The following ACTL8 variants were observed in gnomAD, a reference collection of about 807,000 sequenced individuals.
ACTL8 encodes actin-like protein 8.
A neutral mutation model predicts 9.3 loss-of-function variants in ACTL8; 3 were observed. The observed-to-expected ratio is 0.32, with a 90% CI of 0.15 to 0.83. The LOEUF (loss-of-function observed/expected upper bound fraction) is 0.83. Among genes scored for constraint, ACTL8 ranks in the 40% least tolerant of loss-of-function variants. The probability of loss-of-function intolerance (pLI) is 0.57; values close to 1 mark genes in which losing one functional copy is unlikely to be tolerated. For synonymous variants in ACTL8, 224 were observed against 205.9 expected, an observed-to-expected ratio of 1.09 and a Z score of -0.75; for missense variants, 381 against 492.2, an observed-to-expected ratio of 0.77 and a Z score of 2.14.
At chr1:17,758,367 C>T (rs549411177) in intron 1 of ACTL8, among the ~76,000 whole-genome samples, 18 of 152,196 alleles carry the variant, frequency 1.2e-4, no homozygotes, top group Non-Finnish European at 2.4e-4. Flanking sequence ...GGGCAGCCTA[C>T]TAGAGTATTA....
chr1:17,814,879 C>T (rs1052429400), intron 1 of ACTL8, among the ~76,000 whole-genome samples: 3 of 152,204 alleles, frequency 2.0e-5, no homozygotes, highest in Non-Finnish European at 2.9e-5. Flanking sequence ...CATTATGTTA[C>T]AATTGCCTAC....
intron 1 of ACTL8, among the ~76,000 whole-genome samples, chr1:17,814,087 C>T (rs182875045): frequency 7.2e-5 from 11 of 152,214 alleles, no homozygotes; most frequent in African/African-American, 1.7e-4. Context: ...TTTTCAATTT[C>T]GATTACAGTC....
chr1:17,762,868 C>T (rs2066017008), intron 1 of ACTL8, among the ~76,000 whole-genome samples: 1 of 152,122 alleles, frequency 6.6e-6, no homozygotes, highest in African/African-American at 2.4e-5. Flanking sequence ...CTCCCGGGGA[C>T]TCAGTTTTCC....
intron 2 of ACTL8, among the ~76,000 whole-genome samples, chr1:17,825,122 G>A (rs2053703222): frequency 6.9e-6 from 1 of 144,518 alleles, no homozygotes; most frequent in Non-Finnish European, 1.5e-5. Context: ...AGCAGGGGGA[G>A]AAAACCAGCC....
At chr1:17,765,665 G>A (rs963834884) in intron 1 of ACTL8, among the ~76,000 whole-genome samples, 25 of 152,136 alleles carry the variant, frequency 1.6e-4, no homozygotes, top group African/African-American at 5.3e-4. Flanking sequence ...CTCGTAGCAC[G>A]TCACCCGGCT....
chr1:17,809,274 A>T (rs559242980), intron 1 of ACTL8, among the ~76,000 whole-genome samples: 1 of 152,306 alleles, frequency 6.6e-6, no homozygotes, highest in South Asian at 2.1e-4. Context: ...TGCTATGACA[A>T]TAATAAAACT....
At chr1:17,816,414 G>C (rs1009958820) in intron 1 of ACTL8, among the ~76,000 whole-genome samples, 2 of 152,058 alleles carry the variant, frequency 1.3e-5, no homozygotes, top group African/African-American at 4.8e-5. Flanking sequence ...ATGTTGCCCA[G>C]GCTGGTCTCA....
Position 17,785,094 on chromosome 1 carries a change from A to G in ACTL8, c.-25+29590A>G, listed in dbSNP as rs113408321. On this transcript the variant is annotated intron_variant, in intron 1 of 2. Transcript: ENST00000375406. ...GGGAAAGATTTGCCCCCATGATTCA[A>G]TTACCTCCCACTGGGTCCCTCCCAC... Among the ~76,000 whole-genome samples the G allele has an allele frequency of 4.8e-3, 669 of 140,722 alleles. 5 individuals are homozygous for G. The highest frequency in any genetic ancestry group is 0.017 in the African/African-American group (638 of 36,700). 92.3% of individuals were successfully genotyped at this position (140,722 alleles called of 152,430 possible).
chr1:17,792,951 C>T (rs72648484), intron 1 of ACTL8, among the ~76,000 whole-genome samples: 11,786 of 152,198 alleles, frequency 0.077, 547 homozygotes, highest in East Asian at 0.15. Flanking sequence ...AGGGACAGGA[C>T]CACCATCAGG....
At chr1:17,768,213 G>T (rs1461037895) in intron 1 of ACTL8, among the ~76,000 whole-genome samples, 1 of 152,124 alleles carries the variant, frequency 6.6e-6, no homozygotes, top group African/African-American at 2.4e-5. Flanking sequence ...AGCAAGATCT[G>T]CTCAAGGCCC....
At chr1:17,805,386 T>C (rs1015172075) in intron 1 of ACTL8, among the ~76,000 whole-genome samples, 10 of 81,246 alleles carry the variant, frequency 1.2e-4, no homozygotes, top group South Asian at 4.4e-4. Flanking sequence ...TCTTTTTTTT[T>C]TTTTTTTTTT....
chr1:17,799,950 T>G (rs912613867), intron 1 of ACTL8, among the ~76,000 whole-genome samples: 87 of 152,102 alleles, frequency 5.7e-4, no homozygotes, highest in African/African-American at 2.1e-3. Context: ...TCCGTTGGTC[T>G]GTCTGTTTTT....
At chr1:17,822,456 C>A (rs2124194322) in intron 1 of ACTL8, among the ~76,000 whole-genome samples, 1 of 152,290 alleles carries the variant, frequency 6.6e-6, no homozygotes, top group East Asian at 1.9e-4. Context: ...AGAGTAGGTT[C>A]TCCAGAAAAT....
chr1:17,792,560 T>C (rs2066247756), intron 1 of ACTL8, among the ~76,000 whole-genome samples: 1 of 152,210 alleles, frequency 6.6e-6, no homozygotes, highest in Non-Finnish European at 1.5e-5. Context: ...ATAAGGAGCT[T>C]GAAGCCCCTT....
chr1:17,792,219 C>T (rs1463995060), intron 1 of ACTL8, among the ~76,000 whole-genome samples: 8 of 152,242 alleles, frequency 5.3e-5, no homozygotes, highest in Admixed American at 3.9e-4. Flanking sequence ...TGCTCAGTAC[C>T]TTACCTGCCT....
intron 1 of ACTL8, among the ~76,000 whole-genome samples, chr1:17,792,158 AG>A (rs936010894): frequency 6.6e-6 from 1 of 152,222 alleles, no homozygotes; most frequent in African/African-American, 2.4e-5. Context: ...GTGGAGCTCA[AG>A]AAAGGGTGGA....
chr1:17,791,255 G>A lies in ACTL8; in HGVS notation c.-24-31730G>A, dbSNP rs192447692. 2.0e-5 allele frequency among the ~76,000 whole-genome samples: 3 copies of A among 152,316 alleles called. No individual in the cohort carries two copies. In the East Asian group the frequency reaches 5.8e-4, roughly 30 times the overall value. Reference sequence around the variant, plus strand: ...CCAGCTCCCGCCAGCTCCACGGAGTGTACAGCCCTGGCCACGCCTCCCTGC... The same window carrying A: ...CCAGCTCCCGCCAGCTCCACGGAGTATACAGCCCTGGCCACGCCTCCCTGC... On this transcript the variant is annotated intron_variant, in intron 1 of 2. Transcript: ENST00000375406.
Position 17,796,901 on chromosome 1 carries a change from C to T in ACTL8, c.-24-26084C>T, listed in dbSNP as rs76523733. On this transcript the variant is annotated intron_variant, in intron 1 of 2. Transcript: ENST00000375406. ...AGAGTTTGCACAGCACCGGCACTGC[C>T]GTGGCAAGTGGGCCAGCCCTGAGGG... is the stretch of plus-strand genomic sequence containing the variant. Among the ~76,000 whole-genome samples the T allele has an allele frequency of 7.5e-3, 1,149 of 152,322 alleles. 12 individuals are homozygous for T. The highest frequency in any genetic ancestry group is 0.027 in the African/African-American group (1,102 of 41,560).
chr1:17,759,193 C>T (rs140779301), intron 1 of ACTL8, among the ~76,000 whole-genome samples: 1 of 152,378 alleles, frequency 6.6e-6, no homozygotes, highest in Non-Finnish European at 1.5e-5. Context: ...AATCACCCTT[C>T]TTGCCTGCCT....
Sources: gnomAD v4.1 joint callset for allele counts (sites outside exome capture counted in the v4.1 genomes callset) on GRCh38, gnomAD v4.1.1 for gene constraint, MANE v1.5 for transcripts, NCBI Gene and HGNC (gene_info 2026-07-23, HGNC 2026-07-21) for gene names.